LRR1: variants seen among roughly 807,000 people sequenced by gnomAD.
LRR1 encodes leucine-rich repeat protein 1.
In LRR1, 29 loss-of-function variants were observed where a neutral mutation model predicts 31.6. That is an observed-to-expected ratio of 0.92 (90% confidence interval 0.68 to 1.25). The LOEUF is 1.25. LRR1 is among the 50% of genes most tolerant of loss of function. LRR1 has a pLI of 0.00. For missense variants in LRR1, 485 were observed against 487.2 expected, an observed-to-expected ratio of 1.00 and a Z score of 0.04; for synonymous variants, 179 against 181.4, an observed-to-expected ratio of 0.99 and a Z score of 0.10.
At chr14:49,607,332 T>C in intron 2 of LRR1, 68 bp from the exon 3 acceptor site, 13 of 1,389,926 alleles carry the variant, frequency 9.4e-6, no homozygotes, top group Non-Finnish European at 1.1e-5. Flanking sequence ...GAATTTGTTA[T>C]GGGAAGAACT....
intron 2 of LRR1, 99 bp downstream of exon 2, chr14:49,602,567 C>G (rs1594584607): frequency 3.3e-6 from 3 of 904,026 alleles, no homozygotes; most frequent in Non-Finnish European, 5.2e-6. Flanking sequence ...AGTACAGAGG[C>G]ATAGTCATAG....
intron 2 of LRR1, chr14:49,603,425 C>T (rs1882147266): frequency 4.9e-6 from 1 of 202,420 alleles, no homozygotes; most frequent in Non-Finnish European, 9.3e-6. Flanking sequence ...CCAGCTAAAC[C>T]ACAGGTTACA....
intron 1 of LRR1, among the ~76,000 whole-genome samples, chr14:49,599,425 A>G (rs989683966): frequency 1.3e-5 from 2 of 151,976 alleles, no homozygotes; most frequent in East Asian, 3.9e-4. Context: ...CCTTTTCGCT[A>G]TTTTTCCTCC....
chr14:49,608,134 T>C lies in LRR1; in HGVS notation c.1004+13T>C. The C allele has an allele frequency of 6.5e-7, 1 of 1,536,188 alleles. No homozygotes were observed. The highest frequency in any genetic ancestry group is 8.7e-7 in the Non-Finnish European group (1 of 1,149,924). On this transcript the variant is annotated intron_variant, in intron 3 of 3. Transcript: ENST00000298288. The stretch of plus-strand genomic sequence containing the variant: ...TATTACATAATAGGTAAGATTTTAA[T>C]AGTCATGTAATGTGGTGTCTTTGAT...
intron 3 of LRR1, chr14:49,612,449 T>C: frequency 8.3e-7 from 1 of 1,208,424 alleles, no homozygotes; most frequent in South Asian, 1.5e-5. Context: ...AGTTTTTAAC[T>C]GTTGTCTGTT....
intron 3 of LRR1, among the ~76,000 whole-genome samples, chr14:49,611,097 C>A (rs909255093): frequency 1.3e-5 from 2 of 152,174 alleles, no homozygotes; most frequent in African/African-American, 4.8e-5. Flanking sequence ...GTCCTCTCTC[C>A]TTGCCATCCC....
chr14:49,609,341 T>C (rs1197468608), intron 3 of LRR1, among the ~76,000 whole-genome samples: 2 of 149,760 alleles, frequency 1.3e-5, no homozygotes, highest in East Asian at 4.0e-4. Flanking sequence ...CTCTTCTGCC[T>C]CAGCCTCCTG....
rs766411123 is a variant in LRR1 at position 49,602,430 on chromosome 14, C to A, written c.244C>A (p.Arg82=). The A allele has an allele frequency of 3.1e-6, 5 of 1,613,618 alleles. No individual in the cohort carries two copies. Among genetic ancestry groups the A allele is most frequent in the Non-Finnish European group, 4.2e-6 (5 of 1,179,848 alleles). The change falls in exon 2 of 4, where the codon CGG becomes AGG. Residue 82 remains arginine, a synonymous_variant. Transcript: ENST00000298288. ...TGTAGATGAGGGGAAAGCCACTGTT[C>A]GGTTAAAGGAGCCTCCTGTGGATAT... ...KFVDEGKATV[R]LKEPPVDICL... is the part of the protein sequence containing the mutation.
At chr14:49,613,076 AAG>A (rs2139555566) in intron 3 of LRR1, among the ~76,000 whole-genome samples, 1 of 151,824 alleles carries the variant, frequency 6.6e-6, no homozygotes, top group East Asian at 1.9e-4. Flanking sequence ...GTGGTGGCTC[AAG>A]CCTGTAATCC....
rs1235508811 is a variant in LRR1 at position 49,607,992 on chromosome 14, G to T, written c.875G>T (p.Arg292Ile). 1 of 1,614,072 alleles carries T rather than the reference G, an allele frequency of 6.2e-7. No individual in the cohort carries two copies. The highest frequency in any genetic ancestry group is 1.3e-5 in the African/African-American group (1 of 75,028). ...CTTCCATTTTTGCCTAGTGAATTTA[G>T]AAATTTATCCCTTGAATACTTGGAT... ...NKLPFLPSEF[R>I]NLSLEYLDLF... Residue 292 changes from arginine to isoleucine, a missense_variant, in exon 3 of 4, where the codon AGA (arginine) becomes ATA (isoleucine). Physicochemically the swap from Arg to Ile is moderately conservative, Grantham distance 97. Coordinates refer to ENST00000298288, the MANE Select transcript of LRR1 (RefSeq NM_152329.4).
chr14:49,604,810 T>C (rs1882220737), intron 2 of LRR1, among the ~76,000 whole-genome samples: 1 of 131,366 alleles, frequency 7.6e-6, no homozygotes, highest in Non-Finnish European at 1.7e-5. Flanking sequence ...ATTTTAAAAC[T>C]GGTGGTTTTT....
At chr14:49,604,753 CAG>C (rs1378355239) in intron 2 of LRR1, among the ~76,000 whole-genome samples, 2 of 152,126 alleles carry the variant, frequency 1.3e-5, no homozygotes, top group Non-Finnish European at 2.9e-5. Flanking sequence ...GCATGGGTGA[CAG>C]AGCAAGACCC....
intron 1 of LRR1, chr14:49,601,261 C>A: frequency 8.5e-7 from 1 of 1,174,436 alleles, no homozygotes; most frequent in Non-Finnish European, 1.2e-6. Context: ...CTTGCCTTGT[C>A]TTGATATTTG....
intron 1 of LRR1, chr14:49,600,307 C>T (rs571497500): frequency 1.8e-5 from 27 of 1,504,162 alleles, no homozygotes; most frequent in African/African-American, 1.2e-4. Context: ...GAGTGGGTAC[C>T]GGAACTTAAG....
chr14:49,602,427 G>T lies in LRR1; in HGVS notation c.241G>T (p.Val81Phe). ...ATTTGTAGATGAGGGGAAAGCCACTGTTCGGTTAAAGGAGCCTCCTGTGGA... is the reference window on the plus strand; with the variant it reads ...ATTTGTAGATGAGGGGAAAGCCACTTTTCGGTTAAAGGAGCCTCCTGTGGA... Reference protein sequence around the residue: ...TKFVDEGKATVRLKEPPVDIC... With the variant: ...TKFVDEGKATFRLKEPPVDIC... Residue 81 changes from valine to phenylalanine, a missense_variant, in exon 2 of 4, where the codon GTT becomes TTT. By Grantham distance (50) the Val-to-Phe change is conservative (BLOSUM62 -1). Coordinates refer to ENST00000298288, the MANE Select transcript of LRR1 (RefSeq NM_152329.4). The T allele has an allele frequency of 6.2e-7, 1 of 1,613,940 alleles. No homozygotes were observed. The highest frequency in any genetic ancestry group is 8.5e-7 in the Non-Finnish European group (1 of 1,179,960).
At chr14:49,607,318 C>G in intron 2 of LRR1, 82 bp from the exon 3 acceptor site, 1 of 1,326,168 alleles carries the variant, frequency 7.5e-7, no homozygotes, top group Non-Finnish European at 1.0e-6. Context: ...TAAGTAATGC[C>G]ATAGAATTTG....
chr14:49,610,547 TC>T (rs1038214718), intron 3 of LRR1, among the ~76,000 whole-genome samples: 3 of 149,876 alleles, frequency 2.0e-5, no homozygotes, highest in Admixed American at 6.6e-5. Flanking sequence ...GAGCCACCAC[TC>T]CCAGCCATTG....
chr14:49,601,591 T>C, intron 1 of LRR1: 2 of 1,284,170 alleles, frequency 1.6e-6, no homozygotes, highest in South Asian at 1.2e-5. Context: ...CTCATGGAGT[T>C]TGTATATAAC....
chr14:49,608,935 G>A (rs1401136646), intron 3 of LRR1, among the ~76,000 whole-genome samples: 21 of 108,634 alleles, frequency 1.9e-4, no homozygotes, highest in African/African-American at 7.8e-4. Flanking sequence ...TTGAGATGGA[G>A]TCTCACTCTG....
Sources: allele counts gnomAD v4.1 joint callset (sites outside exome capture counted in the v4.1 genomes callset), GRCh38; gene constraint gnomAD v4.1.1; transcripts MANE v1.5; gene names NCBI Gene and HGNC (gene_info 2026-07-23, HGNC 2026-07-21).